ZNF366: variants seen among roughly 807,000 people sequenced by gnomAD.
ZNF366 encodes the protein zinc finger protein 366, also known as dendritic cell-specific transcript protein.
ZNF366 carries 20 observed loss-of-function variants against 47.2 expected under a neutral mutation model. The ratio of observed to expected loss-of-function variants is 0.42; its 90% confidence interval spans 0.30 to 0.62. The LOEUF (loss-of-function observed/expected upper bound fraction) is 0.62. Among genes scored for constraint, ZNF366 ranks in the 20% least tolerant of loss-of-function variants. ZNF366 has a pLI of 0.16. For synonymous variants in ZNF366, 421 were observed against 395.1 expected, an observed-to-expected ratio of 1.07 and a Z score of -0.78; for missense variants, 987 against 976.3, an observed-to-expected ratio of 1.01 and a Z score of -0.15.
intron 1 of ZNF366, among the ~76,000 whole-genome samples, chr5:72,505,622 G>T (rs1261125500): frequency 6.6e-6 from 1 of 152,190 alleles, no homozygotes; most frequent in Non-Finnish European, 1.5e-5. Context: ...ACTAGAATGT[G>T]TTCTGTGATG....
rs112438221 is a variant in ZNF366, at chr5:72,482,263, C to G, written c.-14-20753G>C. Among the ~76,000 whole-genome samples the G allele has an allele frequency of 5.8e-3, 886 of 152,328 alleles. 10 individuals are homozygous for G. Among genetic ancestry groups the G allele is most frequent in the African/African-American group, 0.019 (805 of 41,560 alleles). On this transcript the variant is annotated intron_variant, in intron 1 of 4. Coordinates refer to ENST00000318442, the MANE Select transcript of ZNF366 (RefSeq NM_152625.3). ...TGAAAACCTAGAAAAGATCCCCCAA[C>G]ATCATGTAATGAGCCAATGAAGTTG...
intron 1 of ZNF366, among the ~76,000 whole-genome samples, chr5:72,490,651 T>C (rs971752128): frequency 5.3e-5 from 8 of 152,328 alleles, no homozygotes; most frequent in Middle Eastern, 3.4e-3. Flanking sequence ...ATGGCATTGC[T>C]ATTTGGGGTC....
At position 72,444,091 on chromosome 5, in the gene ZNF366, C is replaced by G; in HGVS notation, c.1900G>C (p.Gly634Arg). The G allele has an allele frequency of 6.2e-7, 1 of 1,614,132 alleles. No homozygotes were observed. The highest frequency in any genetic ancestry group is 8.5e-7 in the Non-Finnish European group (1 of 1,180,028). ...AGCTGCTGGCTCTGGGGGGCCAGGCCAGGGCTGTAGGGCTCCACCTCGTAG... is the reference window on the plus strand; with the variant it reads ...AGCTGCTGGCTCTGGGGGGCCAGGCGAGGGCTGTAGGGCTCCACCTCGTAG... The part of the protein sequence containing the change: ...NCYEVEPYSP[G>R]LAPQSQQLCT... The change falls in exon 5 of 5, where the codon GGC becomes CGC. Residue 634 changes from glycine to arginine, a missense_variant. This residue lies in a region of ZNF366 where 285 missense variants were observed against 234.8 expected (regional missense o/e 1.21). Coordinates refer to ENST00000318442, the MANE Select transcript of ZNF366 (RefSeq NM_152625.3).
intron 4 of ZNF366, among the ~76,000 whole-genome samples, chr5:72,445,389 C>A (rs377492273): frequency 2.0e-5 from 3 of 151,500 alleles, no homozygotes; most frequent in Admixed American, 2.0e-4. Context: ...AGGGTAGGGG[C>A]GATGATGTCC....
Position 72,443,930 on chromosome 5 carries a change from G to T in ZNF366, c.2061C>A (p.Gly687=), listed in dbSNP as rs142133240. Residue 687 remains glycine, a synonymous_variant, in exon 5 of 5, where the codon GGC becomes GGA. Transcript: ENST00000318442. ...KRSKGDLGAE[G]GQERDCAGRD... is the part of the protein sequence containing the mutation. Reference sequence around the variant, plus strand: ...TGCCGGCACAGTCTCTCTCCTGGCCGCCCTCTGCCCCAAGGTCACCCTTGC... The same window carrying T: ...TGCCGGCACAGTCTCTCTCCTGGCCTCCCTCTGCCCCAAGGTCACCCTTGC... 1.2e-6 allele frequency: 2 copies of T among 1,614,016 alleles called. No homozygotes were observed. The highest frequency in any genetic ancestry group is 2.7e-5 in the African/African-American group (2 of 74,894).
chr5:72,507,094 CA>C (rs1275564521), intron 1 of ZNF366, among the ~76,000 whole-genome samples, 156 bp downstream of exon 1: 20 of 151,960 alleles, frequency 1.3e-4, no homozygotes, highest in African/African-American at 4.8e-4. Context: ...ATTCTCTTAC[CA>C]AAAAAAAGTA....
chr5:72,491,569 G>A (rs1047474929), intron 1 of ZNF366, among the ~76,000 whole-genome samples: 1 of 152,106 alleles, frequency 6.6e-6, no homozygotes, highest in Non-Finnish European at 1.5e-5. Flanking sequence ...TGTGGAAAAT[G>A]GGGATAAAAA....
intron 2 of ZNF366, among the ~76,000 whole-genome samples, chr5:72,458,987 C>T (rs1002624945): frequency 2.0e-5 from 3 of 152,180 alleles, no homozygotes; most frequent in Admixed American, 6.5e-5. Context: ...GAATGGTCCC[C>T]TTTACGGCTG....
chr5:72,444,419 T>G (rs1475781431), intron 4 of ZNF366, 128 bp from the exon 5 acceptor site: 2 of 1,095,046 alleles, frequency 1.8e-6, no homozygotes, highest in East Asian at 5.1e-5. Context: ...TCATTCCCAG[T>G]AAGGATGTGG....
chr5:72,467,046 G>T (rs1226610032), intron 1 of ZNF366, among the ~76,000 whole-genome samples: 2 of 152,210 alleles, frequency 1.3e-5, no homozygotes, highest in Admixed American at 1.3e-4. Context: ...AACCAAGAAT[G>T]GGTAGTCACC....
chr5:72,484,930 T>C (rs899797941), intron 1 of ZNF366, among the ~76,000 whole-genome samples: 3 of 150,742 alleles, frequency 2.0e-5, no homozygotes, highest in African/African-American at 7.3e-5. Context: ...TAGAAGGACC[T>C]ATATTTCCAG....
At chr5:72,494,315 CT>C (rs1199595970) in intron 1 of ZNF366, 3 of 152,148 alleles carry the variant, frequency 2.0e-5, no homozygotes, top group African/African-American at 7.2e-5. Flanking sequence ...ATAATAAGAG[CT>C]GTTATTTCTT....
At chr5:72,497,128 C>A (rs1744130321) in intron 1 of ZNF366, among the ~76,000 whole-genome samples, 1 of 152,042 alleles carries the variant, frequency 6.6e-6, no homozygotes, top group African/African-American at 2.4e-5. Context: ...TCTTGAAGAG[C>A]AAAAGTCTTT....
chr5:72,456,110 T>C (rs1398699838), intron 3 of ZNF366, among the ~76,000 whole-genome samples: 1 of 152,196 alleles, frequency 6.6e-6, no homozygotes, highest in Non-Finnish European at 1.5e-5. Flanking sequence ...AACAGCCTCC[T>C]TCTCCAAAAG....
chr5:72,494,566 C>A (rs1744074178), intron 1 of ZNF366, among the ~76,000 whole-genome samples: 1 of 151,390 alleles, frequency 6.6e-6, no homozygotes, highest in Non-Finnish European at 1.5e-5. Flanking sequence ...TCACCTTATA[C>A]ACACAGGGGA....
chr5:72,466,202 G>T (rs1743424207), intron 1 of ZNF366, among the ~76,000 whole-genome samples: 2 of 151,824 alleles, frequency 1.3e-5, no homozygotes, highest in Admixed American at 1.3e-4. Flanking sequence ...GCTCAAAAAG[G>T]CTATGGATAA....
At chr5:72,502,767 T>C (rs1744234719) in intron 1 of ZNF366, among the ~76,000 whole-genome samples, 1 of 152,216 alleles carries the variant, frequency 6.6e-6, no homozygotes, top group Admixed American at 6.5e-5. Flanking sequence ...TATCTGTGTT[T>C]TTCTTGATTA....
intron 1 of ZNF366, among the ~76,000 whole-genome samples, chr5:72,493,255 A>G (rs777118668): frequency 6.6e-6 from 1 of 152,234 alleles, no homozygotes; most frequent in Non-Finnish European, 1.5e-5. Context: ...TTCCTATGTG[A>G]CAAGAATGTG....
At chr5:72,447,156 C>T in intron 4 of ZNF366, 87 bp downstream of exon 4, 1 of 1,475,122 alleles carries the variant, frequency 6.8e-7, no homozygotes, top group East Asian at 2.3e-5. Flanking sequence ...CAAGAATAAC[C>T]CTCAAGGTAA....
Sources: allele counts gnomAD v4.1 joint callset (sites outside exome capture counted in the v4.1 genomes callset), GRCh38; gene constraint gnomAD v4.1.1; regional missense constraint gnomAD v4.1.1; transcripts MANE v1.5; gene names NCBI Gene and HGNC (gene_info 2026-07-23, HGNC 2026-07-21).